Variants in LPA observed in about 807,000 individuals in gnomAD.
LPA encodes the protein lipoprotein(a).
In LPA, 199 loss-of-function variants were observed where a neutral mutation model predicts 197.9. That is an observed-to-expected ratio of 1.01 (90% CI 0.90 to 1.13). The LOEUF (loss-of-function observed/expected upper bound fraction) is 1.13. Ranked by LOEUF, LPA falls within the 50% of genes most tolerant of loss-of-function variation. The pLI is 0.00. For synonymous variants in LPA, 715 were observed against 639.5 expected, an observed-to-expected ratio of 1.12 and a Z score of -1.78; for missense variants, 1,853 against 1,785.8, an observed-to-expected ratio of 1.04 and a Z score of -0.68.
At position 160,557,583 on chromosome 6, in the gene LPA, A is replaced by G. The variant is rs1025996154; in HGVS notation, c.4632-12T>C. ...TCTCGGTCAGGCCACTGCAAATTCC[A>G]AAACAACACAGGTCACAAGAGGCGG... is the stretch of plus-strand genomic sequence containing the variant. On this transcript the variant is annotated splice_polypyrimidine_tract_variant and intron_variant, in intron 28 of 38. Transcript: ENST00000316300. 1 of 1,613,944 alleles carries G rather than the reference A, an allele frequency of 6.2e-7. No individual in the cohort carries two copies. Among genetic ancestry groups the G allele is most frequent in the Non-Finnish European group, 8.5e-7 (1 of 1,179,856 alleles).
At chr6:160,584,231 T>TTCTTCTTCTTCTTCC (rs1778857844) in intron 26 of LPA, among the ~76,000 whole-genome samples, 1 of 83,656 alleles carries the variant, frequency 1.2e-5, no homozygotes, top group Non-Finnish European at 2.4e-5. Context: ...CTTCTTCTTC[T>TTCTTCTTCTTCTTCC]TCTTCTTCCT....
Position 160,600,995 on chromosome 6 carries a change from A to G in LPA, c.3049T>C (p.Cys1017Arg), listed in dbSNP as rs1168155142. The G allele has an allele frequency of 2.5e-6, 4 of 1,614,082 alleles. No homozygotes were observed. Among genetic ancestry groups the G allele is most frequent in the Non-Finnish European group, 3.4e-6 (4 of 1,179,968 alleles). ...AAGGCAGTCCATTCTGCATCTGAGCATCGTGTCAGGTTGCAGTACTCCCAC... is the reference window on the plus strand; with the variant it reads ...AAGGCAGTCCATTCTGCATCTGAGCGTCGTGTCAGGTTGCAGTACTCCCAC... ...VRWEYCNLTR[C>R]SDAEWTAFVP... The change falls in exon 19 of 39, where the codon TGC (cysteine) becomes CGC (arginine). Residue 1017 changes from cysteine (C) to arginine (R), a missense_variant. Cys to Arg is a radical substitution (Grantham distance 180). Coordinates refer to ENST00000316300, the MANE Select transcript of LPA (RefSeq NM_005577.4).
At chr6:160,581,128 T>C (rs866585150) in intron 26 of LPA, among the ~76,000 whole-genome samples, 9 of 152,176 alleles carry the variant, frequency 5.9e-5, no homozygotes, top group African/African-American at 1.2e-4. Flanking sequence ...ACATTTGTTA[T>C]AGTTTTTTTC....
chr6:160,610,067 G>T (rs773738266), intron 16 of LPA, among the ~76,000 whole-genome samples: 1 of 152,082 alleles, frequency 6.6e-6, no homozygotes, highest in South Asian at 2.1e-4. Flanking sequence ...TTATCATACT[G>T]ATATGTCAAA....
chr6:160,599,415 C>G (rs1562338637), intron 20 of LPA, 85 bp downstream of exon 20: 2 of 1,578,004 alleles, frequency 1.3e-6, no homozygotes. Flanking sequence ...AAGTTGAGTC[C>G]TGAGCAGTCA....
At chr6:160,540,275 C>G (rs1777960907) in intron 35 of LPA, 92 bp from the exon 36 acceptor site, 2 of 1,450,822 alleles carry the variant, frequency 1.4e-6, no homozygotes, top group South Asian at 2.3e-5. Context: ...CTCTGACACC[C>G]TCGGCCACCC....
At chr6:160,588,877 T>C (rs1778968418) in intron 24 of LPA, among the ~76,000 whole-genome samples, 2 of 152,214 alleles carry the variant, frequency 1.3e-5, no homozygotes, top group Admixed American at 6.5e-5. Flanking sequence ...CCATATCTGT[T>C]GTCCAACCTG....
At chr6:160,605,346 T>C (rs1779325516) in intron 17 of LPA, 141 bp from the exon 18 acceptor site, 4 of 1,081,656 alleles carry the variant, frequency 3.7e-6, no homozygotes, top group Non-Finnish European at 5.5e-6. Flanking sequence ...CTTGTTTCTT[T>C]ATTTGTAGGC....
intron 37 of LPA, 110 bp downstream of exon 37, chr6:160,537,745 G>A: frequency 9.8e-7 from 1 of 1,018,454 alleles, no homozygotes. Flanking sequence ...GGAGTGGGTA[G>A]ACCACATTCA....
rs372637630 is a variant in LPA at position 160,553,937 on chromosome 6, C to CTCTGTGTGTGTGTGTG, written c.4973+2087_4973+2088insCACACACACACACAGA. Among the ~76,000 whole-genome samples the CTCTGTGTGTGTGTGTG allele has an allele frequency of 8.0e-4, 112 of 139,132 alleles. 1 individual carries two copies. Among genetic ancestry groups the CTCTGTGTGTGTGTGTG allele is most frequent in the Admixed American group, 3.5e-3 (50 of 14,128 alleles). 91.3% of individuals were successfully genotyped at this position (139,132 alleles called of 152,430 possible). A position where few individuals can be genotyped will look rare whatever the true frequency, so the allele number is the denominator to read the frequency against. The stretch of plus-strand genomic sequence containing the variant: ...TCTCTCTTTCTCTCTCTCTCTCTCT[C>CTCTGTGTGTGTGTGTG]TGTGTGTGTGTGTGTGTGCGCGCGC... On this transcript the variant is annotated intron_variant, in intron 30 of 38. Transcript: ENST00000316300.
intron 28 of LPA, among the ~76,000 whole-genome samples, chr6:160,571,181 G>C (rs906984656): frequency 6.6e-6 from 1 of 152,042 alleles, no homozygotes; most frequent in East Asian, 1.9e-4. Flanking sequence ...TTGTGTATGT[G>C]TCATGAAGTT....
rs765875612 is a variant in LPA at position 160,606,580 on chromosome 6, C to T, written c.2682G>A (p.Arg894=). The T allele has an allele frequency of 6.2e-7, 1 of 1,613,956 alleles. No individual in the cohort carries two copies. Among genetic ancestry groups the T allele is most frequent in the Non-Finnish European group, 8.5e-7 (1 of 1,179,964 alleles). ...ATTGTGTCAGGTTGCAGTACTCCCA[C>T]CTGACACTGGGATCCCTCGTATAAC... The part of the protein sequence containing the change: ...PYCYTRDPSV[R]WEYCNLTQCS... Residue 894 remains arginine, a synonymous_variant, in exon 17 of 39, where the codon AGG becomes AGA. Transcript: ENST00000316300.
At chr6:160,541,245 A>G in intron 34 of LPA, 64 bp from the exon 35 acceptor site, 2 of 1,180,340 alleles carry the variant, frequency 1.7e-6, no homozygotes, top group Non-Finnish European at 2.5e-6. Flanking sequence ...CATTGTACAG[A>G]AAGCCAGGAA....
chr6:160,572,177 G>A (rs1484795883), intron 28 of LPA, among the ~76,000 whole-genome samples: 2 of 152,192 alleles, frequency 1.3e-5, no homozygotes, highest in Non-Finnish European at 2.9e-5. Flanking sequence ...ACCCCACCCT[G>A]CTTCAGGTCA....
At chr6:160,578,451 G>A (rs1778726144) in intron 27 of LPA, 72 bp downstream of exon 27, 4 of 1,581,028 alleles carry the variant, frequency 2.5e-6, no homozygotes, top group Non-Finnish European at 3.5e-6. Context: ...TACCACTGAA[G>A]GCTTCTGCAT....
At chr6:160,576,389 T>TGTATATATATATATATATATATATATGG (rs1562327980) in intron 28 of LPA, among the ~76,000 whole-genome samples, 1 of 70,478 alleles carries the variant, frequency 1.4e-5, no homozygotes, top group African/African-American at 1.0e-4. Flanking sequence ...TATATATATA[T>TGTATATATATATATATATATATATATGG]GTATATATAT....
chr6:160,593,209 G>A (rs972828376), intron 22 of LPA, among the ~76,000 whole-genome samples: 1 of 152,118 alleles, frequency 6.6e-6, no homozygotes, highest in Admixed American at 6.5e-5. Context: ...CCCTTCAAGG[G>A]TCTCAAGGAA....
rs776068781 is a variant in LPA at position 160,595,537 on chromosome 6, T to C, written c.3288-2A>G. On this transcript the variant is annotated splice_acceptor_variant, in intron 20 of 38. Coordinates refer to ENST00000316300, the MANE Select transcript of LPA (RefSeq NM_005577.4). LOFTEE classifies it high-confidence loss of function. ...CTGCAGTAGTTCCTGGTCAGGCCAC[T>C]GCAAATTTCAAAACAACACAGGTCA... 8 of 1,613,854 alleles carry C rather than the reference T, an allele frequency of 5.0e-6. No individual in the cohort carries two copies. Among genetic ancestry groups the C allele is most frequent in the Admixed American group, 1.7e-5 (1 of 59,996 alleles).
intron 28 of LPA, among the ~76,000 whole-genome samples, chr6:160,569,933 A>T (rs1300714776): frequency 1.3e-5 from 2 of 152,196 alleles, no homozygotes; most frequent in African/African-American, 4.8e-5. Context: ...AACCACAATG[A>T]GATACCATCT....
Sources: allele counts gnomAD v4.1 joint callset (sites outside exome capture counted in the v4.1 genomes callset), GRCh38; gene constraint gnomAD v4.1.1; transcripts MANE v1.5; gene names NCBI Gene and HGNC (gene_info 2026-07-23, HGNC 2026-07-21).